Variants in SLC17A4 observed in about 807,000 individuals in gnomAD.
The protein encoded by SLC17A4 is solute carrier family 17 member 4.
Under a neutral mutation model 52.5 loss-of-function variants are expected in SLC17A4, and 33 were observed. That is an observed-to-expected ratio of 0.63 (90% CI 0.48 to 0.84). SLC17A4 has a LOEUF of 0.84. Among genes scored for constraint, SLC17A4 ranks in the 40% least tolerant of loss-of-function variants. The probability of loss-of-function intolerance (pLI) is 0.00; values close to 1 mark genes in which losing one functional copy is unlikely to be tolerated. For synonymous variants in SLC17A4, 225 were observed against 216.2 expected, an observed-to-expected ratio of 1.04 and a Z score of -0.36; for missense variants, 585 against 597.1, an observed-to-expected ratio of 0.98 and a Z score of 0.21.
chr6:25,760,241 T>G (rs1761420574), intron 1 of SLC17A4, among the ~76,000 whole-genome samples: 2 of 152,224 alleles, frequency 1.3e-5, no homozygotes, highest in Admixed American at 1.3e-4. Context: ...TATTCATATA[T>G]TATTCCAATA....
intron 2 of SLC17A4, among the ~76,000 whole-genome samples, chr6:25,768,085 C>T (rs1382681654): frequency 6.6e-6 from 1 of 152,204 alleles, no homozygotes; most frequent in Non-Finnish European, 1.5e-5. Context: ...TTAATTTAAT[C>T]TGTCATATCA....
chr6:25,765,961 A>G (rs1340810746), intron 2 of SLC17A4, among the ~76,000 whole-genome samples: 1 of 152,010 alleles, frequency 6.6e-6, no homozygotes, highest in African/African-American at 2.4e-5. Flanking sequence ...CAGAGAGATT[A>G]AATACAAGCA....
At chr6:25,776,109 T>C (rs903881485) in intron 8 of SLC17A4, among the ~76,000 whole-genome samples, 3 of 152,160 alleles carry the variant, frequency 2.0e-5, no homozygotes, top group Admixed American at 2.0e-4. Flanking sequence ...GTAATATTTG[T>C]GAGAACCTGA....
intron 2 of SLC17A4, among the ~76,000 whole-genome samples, chr6:25,767,271 G>C (rs2151434983): frequency 6.6e-6 from 1 of 152,146 alleles, no homozygotes; most frequent in South Asian, 2.1e-4. Flanking sequence ...TAAAATTCCA[G>C]CTAAAATGCT....
intron 5 of SLC17A4, 136 bp from the exon 6 acceptor site, chr6:25,770,790 T>C (rs2151442929): frequency 1.4e-6 from 1 of 718,976 alleles, no homozygotes; most frequent in Middle Eastern, 2.4e-4. Flanking sequence ...GATCACATAG[T>C]TACCAAGTGA....
intron 3 of SLC17A4, among the ~76,000 whole-genome samples, chr6:25,769,484 GGAGGCAGAAGTTGCAGT>G (rs2151439519): frequency 6.6e-6 from 1 of 152,076 alleles, no homozygotes; most frequent in African/African-American, 2.4e-5. Flanking sequence ...CTTGAACTGG[GGAGGCAGAAGTTGCAGT>G]GAGCGGAGAT....
At chr6:25,778,360 A>G (rs1763113737) in intron 11 of SLC17A4, among the ~76,000 whole-genome samples, 1 of 151,992 alleles carries the variant, frequency 6.6e-6, no homozygotes, top group African/African-American at 2.4e-5. Context: ...GTAAATCAGA[A>G]AAATAAATGA....
intron 10 of SLC17A4, 195 bp from the exon 11 acceptor site, chr6:25,777,731 G>A (rs1032776259): frequency 3.6e-6 from 2 of 557,596 alleles, no homozygotes; most frequent in East Asian, 5.8e-5. Context: ...CTAATCATTG[G>A]TCAGTACATT....
chr6:25,771,899 G>A (rs143255329), intron 6 of SLC17A4, among the ~76,000 whole-genome samples: 140 of 152,252 alleles, frequency 9.2e-4, no homozygotes, highest in Middle Eastern at 3.4e-3. Flanking sequence ...ATTTTACTAC[G>A]TTACAGTTTT....
intron 2 of SLC17A4, among the ~76,000 whole-genome samples, chr6:25,762,569 T>C (rs992997418): frequency 3.3e-5 from 5 of 152,238 alleles, no homozygotes; most frequent in African/African-American, 1.2e-4. Context: ...TAATGAGTTA[T>C]AACTATGTTA....
chr6:25,765,500 G>A (rs756663952), intron 2 of SLC17A4, among the ~76,000 whole-genome samples: 1 of 152,124 alleles, frequency 6.6e-6, no homozygotes, highest in African/African-American at 2.4e-5. Context: ...ACGTTATTAC[G>A]GGGAAATTGA....
intron 8 of SLC17A4, among the ~76,000 whole-genome samples, chr6:25,775,581 G>C (rs112217478): frequency 7.2e-5 from 11 of 151,852 alleles, no homozygotes; most frequent in Non-Finnish European, 1.3e-4. Context: ...GACCACAGGC[G>C]TGTACCACCA....
chr6:25,770,022 C>A, intron 3 of SLC17A4, 45 bp from the exon 4 acceptor site: 1 of 1,573,006 alleles, frequency 6.4e-7, no homozygotes, highest in South Asian at 1.1e-5. Context: ...TGAAAACTGT[C>A]AATCCTTCAA....
chr6:25,760,158 G>T (rs1439696344), intron 1 of SLC17A4, among the ~76,000 whole-genome samples: 2 of 152,186 alleles, frequency 1.3e-5, no homozygotes, highest in Non-Finnish European at 2.9e-5. Context: ...GAAATAATAG[G>T]ATCTGGTTCT....
At chr6:25,768,263 T>A in intron 2 of SLC17A4, 1 of 483,080 alleles carries the variant, frequency 2.1e-6, no homozygotes, top group South Asian at 8.9e-5. Flanking sequence ...GAGCATTTGC[T>A]CCCTTTCAGG....
chr6:25,780,228 G>A lies in SLC17A4; in HGVS notation c.*1040G>A, dbSNP rs1449537059. The A allele has an allele frequency of 6.6e-6, 1 of 152,194 alleles. No homozygotes were observed. The allele number at this position is 152,194 out of a possible 1,614,324, so 9.4% of individuals were successfully genotyped here. A position where few individuals can be genotyped will look rare whatever the true frequency, so the allele number is the denominator to read the frequency against. On this transcript the variant is annotated 3_prime_UTR_variant, in exon 12 of 12. Transcript: ENST00000377905. ...ATATTAATGTACACACACCTTGTGT[G>A]GATGGCAGAAATCAAATCATACACA...
At position 25,770,084 on chromosome 6, in the gene SLC17A4, G is replaced by C. The variant is rs1561805764; in HGVS notation, c.315G>C (p.Trp105Cys). ...EFKAMAPAYD[W>C]SPEIQGIILS... Reference sequence around the variant, plus strand: ...TCATCTAGGCCCCTGCATATGACTGGAGTCCTGAAATCCAGGGAATCATCC... The same window carrying C: ...TCATCTAGGCCCCTGCATATGACTGCAGTCCTGAAATCCAGGGAATCATCC... Residue 105 changes from tryptophan (W) to cysteine (C), a missense_variant, in exon 4 of 12, where the codon TGG becomes TGC. Physicochemically the swap from Trp to Cys is radical, Grantham distance 215. Coordinates refer to ENST00000377905, the MANE Select transcript of SLC17A4 (RefSeq NM_005495.3). 1 of 1,613,962 alleles carries C rather than the reference G, an allele frequency of 6.2e-7. No homozygotes were observed. The highest frequency in any genetic ancestry group is 8.5e-7 in the Non-Finnish European group (1 of 1,179,900).
At chr6:25,759,861 G>T (rs930406836) in intron 1 of SLC17A4, among the ~76,000 whole-genome samples, 1 of 152,120 alleles carries the variant, frequency 6.6e-6, no homozygotes, top group Non-Finnish European at 1.5e-5. Flanking sequence ...CCAATTCTTT[G>T]ATAGCTGTAT....
intron 10 of SLC17A4, chr6:25,777,288 T>C: frequency 4.1e-6 from 1 of 244,896 alleles, no homozygotes; most frequent in Non-Finnish European, 7.8e-6. Flanking sequence ...TTCTATAGGG[T>C]ATGCTCATGA....
Sources: allele counts gnomAD v4.1 joint callset (sites outside exome capture counted in the v4.1 genomes callset), GRCh38; gene constraint gnomAD v4.1.1; transcripts MANE v1.5; gene names NCBI Gene and HGNC (gene_info 2026-07-23, HGNC 2026-07-21).